The following PPP2R5D variants were observed in gnomAD, a reference collection of about 807,000 sequenced individuals.
PPP2R5D encodes the protein serine/threonine-protein phosphatase 2A 56 kDa regulatory subunit delta isoform.
A neutral mutation model predicts 79.1 loss-of-function variants in PPP2R5D; 12 were observed. The ratio of observed to expected loss-of-function variants is 0.15; its 90% CI spans 0.10 to 0.25. The LOEUF is 0.25. Ranked by LOEUF, PPP2R5D falls within the 10% of genes least tolerant of loss-of-function variation. PPP2R5D has a pLI of 1.00. For missense variants in PPP2R5D, 419 were observed against 760.2 expected, an observed-to-expected ratio of 0.55 and a Z score of 5.28; for synonymous variants, 277 against 286.6, an observed-to-expected ratio of 0.97 and a Z score of 0.34.
At position 43,004,186 on chromosome 6, in the gene PPP2R5D, CTAATTTT is replaced by C. The variant is rs530612976; in HGVS notation, c.106-2275_106-2269del. Among the ~76,000 whole-genome samples, 6 of 152,220 alleles carry C rather than the reference CTAATTTT, an allele frequency of 3.9e-5. No individual in the cohort carries two copies. The South Asian group carries it at 6.2e-4, about 16-fold the overall frequency. On this transcript the variant is annotated intron_variant, in intron 2 of 15. Coordinates refer to ENST00000485511, the MANE Select transcript of PPP2R5D (RefSeq NM_006245.4). Reference sequence around the variant, plus strand: ...TACAGGCACCCACCACCAGGCCTGGCTAATTTTTTGTATTTTAGTAGAGACAGGGTTT... The same window carrying C: ...TACAGGCACCCACCACCAGGCCTGGCTTGTATTTTAGTAGAGACAGGGTTT...
intron 2 of PPP2R5D, among the ~76,000 whole-genome samples, chr6:43,004,253 G>A (rs1333214367): frequency 6.6e-6 from 1 of 151,728 alleles, no homozygotes; most frequent in African/African-American, 2.4e-5. Context: ...AAACTCCTGA[G>A]GTCAGGCAAT....
rs1236624266 is a variant in PPP2R5D at position 43,001,940 on chromosome 6, A to C, written c.106-4523A>C. The stretch of plus-strand genomic sequence containing the variant: ...GACAGAGCCAGACTCTGTCTCAAAA[A>C]AAAAAAAAATGCTTCTTTAGTGCGA... On this transcript the variant is annotated intron_variant, in intron 2 of 15. Transcript: ENST00000485511. Among the ~76,000 whole-genome samples the C allele has an allele frequency of 4.2e-3, 639 of 152,108 alleles. 1 individual carries two copies. The highest frequency in any genetic ancestry group is 7.6e-3 in the Non-Finnish European group (517 of 67,950).
Position 42,990,553 on chromosome 6 carries a change from A to AG in PPP2R5D, c.105+865_105+866insG, listed in dbSNP as rs561695077. Among the ~76,000 whole-genome samples the AG allele has an allele frequency of 3.8e-3, 584 of 152,276 alleles. 5 individuals are homozygous for AG. The highest frequency in any genetic ancestry group is 0.013 in the African/African-American group (548 of 41,560). On this transcript the variant is annotated intron_variant, in intron 2 of 15. Transcript: ENST00000485511. ...GTACTTCTGGTGATAGGTCACCTCT[A>AG]AAGAGATACAAGCACTTTTCACACC...
At chr6:42,985,417 G>T (rs527323449) in intron 1 of PPP2R5D, among the ~76,000 whole-genome samples, 1 of 152,240 alleles carries the variant, frequency 6.6e-6, no homozygotes, top group East Asian at 1.9e-4. Flanking sequence ...ACAGGGCAAG[G>T]GACTTGTCCA....
rs1389215595 is a variant in PPP2R5D, at chr6:43,010,845, G to A, written c.1555-36G>A. 7 of 1,604,926 alleles carry A rather than the reference G, an allele frequency of 4.4e-6. No homozygotes were observed. Among genetic ancestry groups the A allele is most frequent in the Admixed American group, 3.3e-5 (2 of 59,746 alleles). On this transcript the variant is annotated intron_variant, in intron 14 of 15. Coordinates refer to ENST00000485511, the MANE Select transcript of PPP2R5D (RefSeq NM_006245.4). This position sits in a 1 kb window ranked among gnomAD's most constrained non-coding sequence, Gnocchi z 4.7. The stretch of plus-strand genomic sequence containing the variant: ...GCACACAGGCCCCCAAGCCTCTGAA[G>A]TGGCTCTTAACGCTTGTCCATGTCT...
chr6:43,010,694 G>C lies in PPP2R5D; in HGVS notation c.1512G>C (p.Glu504Asp). The C allele has an allele frequency of 6.2e-7, 1 of 1,614,018 alleles. No individual in the cohort carries two copies. The highest frequency in any genetic ancestry group is 8.5e-7 in the Non-Finnish European group (1 of 1,179,912). ...GGTTCCGAATGAAGGAAAGGGAAGA[G>C]ATGTGGCAAAAAATCGAGGAGCTGG... Reference protein sequence around the residue: ...KGRFRMKEREEMWQKIEELAR... With the variant: ...KGRFRMKEREDMWQKIEELAR... The change falls in exon 14 of 16, where the codon GAG (glutamate) becomes GAC (aspartate). Residue 504 changes from glutamate (E) to aspartate (D), a missense_variant. Glu to Asp is a conservative substitution (Grantham distance 45, BLOSUM62 2). Around this residue, in one of 5 missense-constraint regions of PPP2R5D, gnomAD observed 196 missense variants for 424.5 expected, o/e 0.46. Coordinates refer to ENST00000485511, the MANE Select transcript of PPP2R5D (RefSeq NM_006245.4). This position sits in a 1 kb window ranked among gnomAD's most constrained non-coding sequence, Gnocchi z 4.7.
In PPP2R5D at chr6:43,010,683, G is replaced by C. The variant is rs1460199560; in HGVS notation, c.1501G>C (p.Glu501Gln). The C allele has an allele frequency of 6.2e-7, 1 of 1,613,906 alleles. No individual in the cohort carries two copies. The highest frequency in any genetic ancestry group is 1.3e-5 in the African/African-American group (1 of 74,908). ...EKQKGRFRMKEREEMWQKIEE... is the reference protein window; with the variant it reads ...EKQKGRFRMKQREEMWQKIEE... Reference sequence around the variant, plus strand: ...CCTCAGGGGCCGGTTCCGAATGAAGGAAAGGGAAGAGATGTGGCAAAAAAT... The same window carrying C: ...CCTCAGGGGCCGGTTCCGAATGAAGCAAAGGGAAGAGATGTGGCAAAAAAT... Residue 501 changes from glutamate to glutamine, a missense_variant, in exon 14 of 16, where the codon GAA (glutamate) becomes CAA (glutamine). Physicochemically the swap from Glu to Gln is conservative, Grantham distance 29. Around this residue, in one of 5 missense-constraint regions of PPP2R5D, gnomAD observed 196 missense variants for 424.5 expected, o/e 0.46. Transcript: ENST00000485511. This position sits in a 1 kb window ranked among gnomAD's most constrained non-coding sequence, Gnocchi z 4.7.
rs1356070915 is a variant in PPP2R5D, at chr6:43,008,205, A to G, written c.862A>G (p.Ile288Val). 1 of 1,614,038 alleles carries G rather than the reference A, an allele frequency of 6.2e-7. No individual in the cohort carries two copies. Among genetic ancestry groups the G allele is most frequent in the Non-Finnish European group, 8.5e-7 (1 of 1,180,038 alleles). Reference protein sequence around the residue: ...RQINHIFYRFIYETEHHNGIA... With the variant: ...RQINHIFYRFVYETEHHNGIA... ...GAGCCATTTTTCTTCCCTCAGGTTC[A>G]TCTACGAGACGGAGCATCACAACGG... The change falls in exon 8 of 16, where the codon ATC (isoleucine) becomes GTC (valine). Residue 288 changes from isoleucine to valine, a missense_variant. Physicochemically the swap from Ile to Val is conservative, Grantham distance 29. This residue lies in a region of PPP2R5D where 196 missense variants were observed against 424.5 expected (regional missense o/e 0.46). Transcript: ENST00000485511. The surrounding 1 kb of genome is among the most constrained non-coding windows in gnomAD (Gnocchi z 4.2).
At chr6:42,986,632 C>T (rs1037816872) in intron 1 of PPP2R5D, among the ~76,000 whole-genome samples, 2 of 151,938 alleles carry the variant, frequency 1.3e-5, no homozygotes, top group African/African-American at 4.8e-5. Context: ...TTGGGTAGCT[C>T]AGTCGTAGAC....
chr6:42,986,813 G>T (rs1465429778), intron 1 of PPP2R5D, among the ~76,000 whole-genome samples: 1 of 151,726 alleles, frequency 6.6e-6, no homozygotes, highest in Non-Finnish European at 1.5e-5. Context: ...AGTGAGATTT[G>T]CTAGGACCAT....
chr6:43,007,484 TC>T lies in PPP2R5D; in HGVS notation c.705del (p.Ile235MetfsTer10). 6.2e-7 allele frequency: 1 copy of T among 1,612,676 alleles called. No homozygotes were observed. The highest frequency in any genetic ancestry group is 8.5e-7 in the Non-Finnish European group (1 of 1,178,690). On this transcript the variant is annotated frameshift_variant, in exon 6 of 16. Transcript: ENST00000485511. LOFTEE classifies it high-confidence loss of function. The surrounding 1 kb of genome is among the most constrained non-coding windows in gnomAD (Gnocchi z 4.5). ...CAGCCAAACATAGCCAAGAAGTACA[TC>T]GACCAGAAGTTTGTACTTGCTGTGA... ...DFQPNIAKKY[I>X]DQKFVLALLD...
In PPP2R5D at chr6:43,007,797, G is replaced by A. The variant is rs1426405214; in HGVS notation, c.727-138G>A. ...ATACAATAGAATCAGCAATATAATA[G>A]AATCACTGCTTTCTAAGACTTGCTG... On this transcript the variant is annotated intron_variant, in intron 6 of 15. Transcript: ENST00000485511. This position sits in a 1 kb window ranked among gnomAD's most constrained non-coding sequence, Gnocchi z 4.5. 14 of 1,113,592 alleles carry A rather than the reference G, an allele frequency of 1.3e-5. No homozygotes were observed. The Admixed American group carries it at 2.8e-4, about 22-fold the overall frequency. The allele number at this position is 1,113,592 out of a possible 1,614,324, so 69.0% of individuals were successfully genotyped here. A position where few individuals can be genotyped will look rare whatever the true frequency, so the allele number is the denominator to read the frequency against.
At chr6:42,990,198 A>C (rs1223724685) in intron 2 of PPP2R5D, among the ~76,000 whole-genome samples, 1 of 152,188 alleles carries the variant, frequency 6.6e-6, no homozygotes, top group African/African-American at 2.4e-5. Flanking sequence ...TCGGGTTATA[A>C]AGCAATAAAC....
chr6:43,007,419 G>T lies in PPP2R5D; in HGVS notation c.639G>T (p.Val213=). 1 of 1,612,706 alleles carries T rather than the reference G, an allele frequency of 6.2e-7. No homozygotes were observed. Among genetic ancestry groups the T allele is most frequent in the Non-Finnish European group, 8.5e-7 (1 of 1,178,670 alleles). Residue 213 remains valine (V), a synonymous_variant, in exon 6 of 16, where the codon GTG becomes GTT. Transcript: ENST00000485511. The surrounding 1 kb of genome is among the most constrained non-coding windows in gnomAD (Gnocchi z 4.5). ...GCGTGCCTTTTCCCCTATAGCTCGT[G>T]TATGAGTTCTTCTTACGTTTCCTTG... ...LEAAWPHLQL[V]YEFFLRFLES...
At chr6:42,988,377 G>A (rs910628343) in intron 1 of PPP2R5D, among the ~76,000 whole-genome samples, 1 of 152,166 alleles carries the variant, frequency 6.6e-6, no homozygotes, top group Non-Finnish European at 1.5e-5. Flanking sequence ...GGGAGCTTTC[G>A]GCTTCACTAG....
At position 42,984,604 on chromosome 6, in the gene PPP2R5D, G is replaced by T; in HGVS notation, c.-74G>T. ...AGGCGGTGGCGAAGAGACGCCGAGCGGGCCGAGTGCGGCCGAGCAAAGCCG... is the reference window on the plus strand; with the variant it reads ...AGGCGGTGGCGAAGAGACGCCGAGCTGGCCGAGTGCGGCCGAGCAAAGCCG... On this transcript the variant is annotated 5_prime_UTR_variant, in exon 1 of 16. Transcript: ENST00000485511. The T allele has an allele frequency of 1.3e-6, 2 of 1,518,042 alleles. No homozygotes were observed. Among genetic ancestry groups the T allele is most frequent in the African/African-American group, 1.4e-5 (1 of 70,052 alleles). The allele number at this position is 1,518,042 out of a possible 1,614,324, so 94.0% of individuals were successfully genotyped here.
intron 2 of PPP2R5D, among the ~76,000 whole-genome samples, chr6:42,995,815 A>G (rs1275155958): frequency 6.7e-6 from 1 of 149,822 alleles, no homozygotes; most frequent in Non-Finnish European, 1.5e-5. Flanking sequence ...TCCTGGGCTC[A>G]AGGGATCTTT....
chr6:42,987,861 A>C (rs1158040519), intron 1 of PPP2R5D, among the ~76,000 whole-genome samples: 1 of 152,170 alleles, frequency 6.6e-6, no homozygotes, highest in Admixed American at 6.5e-5. Flanking sequence ...ATGGTCTAAT[A>C]GATTGGAGAT....
In PPP2R5D at chr6:43,010,792, GGA is replaced by G; in HGVS notation, c.1554+60_1554+61del. 7 of 1,607,674 alleles carry G rather than the reference GGA, an allele frequency of 4.4e-6. No homozygotes were observed. Among genetic ancestry groups the G allele is most frequent in the East Asian group, 2.2e-5 (1 of 44,810 alleles). On this transcript the variant is annotated intron_variant, in intron 14 of 15. Transcript: ENST00000485511. This position sits in a 1 kb window ranked among gnomAD's most constrained non-coding sequence, Gnocchi z 4.7. ...AGGGGCCAGCCCATCTTGAGCTGGG[GGA>G]GAGTTTGTTGGGGGAGGAATATGGG... is the stretch of plus-strand genomic sequence containing the variant.
Sources: gnomAD v4.1 joint callset for allele counts (sites outside exome capture counted in the v4.1 genomes callset) on GRCh38, gnomAD v4.1.1 for gene constraint, gnomAD v4.1.1 regional missense constraint, Gnocchi (gnomAD v3.1) non-coding constraint, MANE v1.5 for transcripts, NCBI Gene and HGNC (gene_info 2026-07-23, HGNC 2026-07-21) for gene names.